KCNK5: variants seen among roughly 807,000 people sequenced by gnomAD.
KCNK5 encodes potassium channel subfamily K member 5.
In KCNK5, 18 loss-of-function variants were observed where a neutral mutation model predicts 32.9. The ratio of observed to expected loss-of-function variants is 0.55; its 90% CI spans 0.38 to 0.81. The LOEUF (loss-of-function observed/expected upper bound fraction) is 0.81, where lower values mean the gene tolerates loss of function less well. Among genes scored for constraint, KCNK5 ranks in the 30% least tolerant of loss-of-function variants. The pLI, the probability that KCNK5 is intolerant of heterozygous loss-of-function variation, is 0.00. For synonymous variants in KCNK5, 276 were observed against 275.3 expected, an observed-to-expected ratio of 1.00 and a Z score of -0.03; for missense variants, 507 against 651.0, an observed-to-expected ratio of 0.78 and a Z score of 2.41.
intron 1 of KCNK5, among the ~76,000 whole-genome samples, chr6:39,223,224 TAAGC>T (rs1000996808): frequency 5.3e-5 from 8 of 152,208 alleles, no homozygotes; most frequent in Non-Finnish European, 8.8e-5. Flanking sequence ...TACACTATTC[TAAGC>T]AAACTATGGT....
intron 1 of KCNK5, among the ~76,000 whole-genome samples, chr6:39,196,378 C>G (rs1771031146): frequency 6.6e-6 from 1 of 152,178 alleles, no homozygotes; most frequent in African/African-American, 2.4e-5. Context: ...AGGGACCACA[C>G]TTTGAGAACC....
At chr6:39,200,656 C>T (rs553726852) in intron 1 of KCNK5, among the ~76,000 whole-genome samples, 3 of 152,272 alleles carry the variant, frequency 2.0e-5, no homozygotes, top group Admixed American at 1.3e-4. Context: ...AAAAACAGTG[C>T]CCTAAAACCA....
At chr6:39,216,533 G>A (rs376947262) in intron 1 of KCNK5, among the ~76,000 whole-genome samples, 32 of 152,266 alleles carry the variant, frequency 2.1e-4, no homozygotes, top group African/African-American at 3.9e-4. Flanking sequence ...TTTAGGATAC[G>A]GCAGCCTCTA....
chr6:39,197,698 T>A (rs1359359693), intron 1 of KCNK5, among the ~76,000 whole-genome samples: 1 of 152,240 alleles, frequency 6.6e-6, no homozygotes, highest in East Asian at 1.9e-4. Flanking sequence ...ACGTTAATGT[T>A]AAACAGATGG....
Position 39,190,890 on chromosome 6 carries a change from T to C in KCNK5, c.1500A>G (p.Ter500TrpextTer10). The C allele has an allele frequency of 6.8e-7, 1 of 1,465,884 alleles. No individual in the cohort carries two copies. The highest frequency in any genetic ancestry group is 9.0e-7 in the Non-Finnish European group (1 of 1,107,490). 90.8% of individuals were successfully genotyped at this position (1,465,884 alleles called of 1,614,324 possible). A position where few individuals can be genotyped will look rare whatever the true frequency, so the allele number is the denominator to read the frequency against. ...GGTGGGGTGGGGAGCCGGCCCTGCC[T>C]CATGTGCCCTTGGGGCTGTTAGCCT... ...YNKANSPKGT[*>W] The change falls in exon 5 of 5, where the codon TGA becomes TGG. Residue 500 changes from the stop codon to tryptophan, a stop_lost. Coordinates refer to ENST00000359534, the MANE Select transcript of KCNK5 (RefSeq NM_003740.4).
Position 39,190,651 on chromosome 6 carries a change from C to A in KCNK5, c.*239G>T. On this transcript the variant is annotated 3_prime_UTR_variant, in exon 5 of 5. Transcript: ENST00000359534. ...GCATGTCTTTGCATTGTGAGATACA[C>A]CAGCCAAGCTCAGGACAGATGCCCC... The A allele has an allele frequency of 2.4e-6, 1 of 417,288 alleles. No homozygotes were observed. The highest frequency in any genetic ancestry group is 4.2e-6 in the Non-Finnish European group (1 of 238,322). 25.8% of individuals were successfully genotyped at this position (417,288 alleles called of 1,614,324 possible).
chr6:39,193,540 A>G (rs972322434), intron 4 of KCNK5, among the ~76,000 whole-genome samples: 1 of 152,258 alleles, frequency 6.6e-6, no homozygotes, highest in African/African-American at 2.4e-5. Context: ...CACAAACACA[A>G]GTACATGTGT....
At chr6:39,212,380 A>G (rs913793269) in intron 1 of KCNK5, among the ~76,000 whole-genome samples, 1 of 152,246 alleles carries the variant, frequency 6.6e-6, no homozygotes, top group Non-Finnish European at 1.5e-5. Flanking sequence ...TGACTACCAT[A>G]CTAGTACCAA....
chr6:39,194,036 T>C lies in KCNK5; in HGVS notation c.634+133A>G. 1 of 910,006 alleles carries C rather than the reference T, an allele frequency of 1.1e-6. No individual in the cohort carries two copies. The highest frequency in any genetic ancestry group is 1.7e-6 in the Non-Finnish European group (1 of 576,828). The allele number at this position is 910,006 out of a possible 1,614,324, so 56.4% of individuals were successfully genotyped here. A position where few individuals can be genotyped will look rare whatever the true frequency, so the allele number is the denominator to read the frequency against. On this transcript the variant is annotated intron_variant, in intron 4 of 4. Transcript: ENST00000359534. This position sits in a 1 kb window ranked among gnomAD's most constrained non-coding sequence, Gnocchi z 4.7. ...TAGTTTCCTCTTGCAAATGGCAGAG[T>C]GGGTTGAGAATCCCACTGGGTAAGA...
chr6:39,195,824 C>G lies in KCNK5; in HGVS notation c.298+52G>C, dbSNP rs113866436. Reference sequence around the variant, plus strand: ...CCAGAGCTGGGTTTCTAGAAAGGTTCTGAGGAGCTAGGGCATGGATGTGGG... The same window carrying G: ...CCAGAGCTGGGTTTCTAGAAAGGTTGTGAGGAGCTAGGGCATGGATGTGGG... On this transcript the variant is annotated intron_variant, in intron 2 of 4. Transcript: ENST00000359534. The G allele has an allele frequency of 2.1e-5, 29 of 1,377,360 alleles. 1 individual carries two copies. The African/African-American group carries it at 2.6e-4, about 12-fold the overall frequency. 85.3% of individuals were successfully genotyped at this position (1,377,360 alleles called of 1,614,324 possible). A position where few individuals can be genotyped will look rare whatever the true frequency, so the allele number is the denominator to read the frequency against.
chr6:39,206,556 C>T (rs1771229376), intron 1 of KCNK5, among the ~76,000 whole-genome samples: 1 of 152,208 alleles, frequency 6.6e-6, no homozygotes, highest in African/African-American at 2.4e-5. Flanking sequence ...GTTCCCGGGC[C>T]GCCCAGCTGC....
In KCNK5 at chr6:39,197,484, C is replaced by T. The variant is rs376823637; in HGVS notation, c.187-1497G>A. Among the ~76,000 whole-genome samples, 6 of 152,336 alleles carry T rather than the reference C, an allele frequency of 3.9e-5. No individual in the cohort carries two copies. In the East Asian group the frequency reaches 5.8e-4, roughly 15 times the overall value. ...CATCAAAGTGGAAAGTGGGGACCAT[C>T]GCATCAAACTCTGGCCAAGGCAGCC... On this transcript the variant is annotated intron_variant, in intron 1 of 4. Transcript: ENST00000359534.
At chr6:39,216,846 C>T (rs1000959845) in intron 1 of KCNK5, among the ~76,000 whole-genome samples, 3 of 151,980 alleles carry the variant, frequency 2.0e-5, no homozygotes, top group South Asian at 2.1e-4. Flanking sequence ...CTGCCGGGCG[C>T]GGTGGTGGCT....
chr6:39,229,304 G>C lies in KCNK5; in HGVS notation c.-193C>G, dbSNP rs1190306207. 1.5e-6 allele frequency: 1 copy of C among 673,088 alleles called. No homozygotes were observed. Among genetic ancestry groups the C allele is most frequent in the African/African-American group, 1.8e-5 (1 of 55,102 alleles). 41.7% of individuals were successfully genotyped at this position (673,088 alleles called of 1,614,324 possible). On this transcript the variant is annotated 5_prime_UTR_variant, in exon 1 of 5. Coordinates refer to ENST00000359534, the MANE Select transcript of KCNK5 (RefSeq NM_003740.4). Reference sequence around the variant, plus strand: ...CAAGTTGGCCCACGGAGTGCGGGGAGCTGCGTGGGGCCCCACTCACGCGGC... The same window carrying C: ...CAAGTTGGCCCACGGAGTGCGGGGACCTGCGTGGGGCCCCACTCACGCGGC...
chr6:39,193,524 G>A (rs1454051186), intron 4 of KCNK5, among the ~76,000 whole-genome samples: 1 of 152,254 alleles, frequency 6.6e-6, no homozygotes, highest in Non-Finnish European at 1.5e-5. Context: ...AAGATGCTGT[G>A]CAGGCCACAA....
rs1250492067 is a variant in KCNK5, at chr6:39,190,841, G to A, written c.*49C>T. The stretch of plus-strand genomic sequence containing the variant: ...CCCGGTCATCTCGGGACACCCTAGG[G>A]TGAGGGGGGAAGAGGCCATCAAAGG... On this transcript the variant is annotated 3_prime_UTR_variant, in exon 5 of 5. Coordinates refer to ENST00000359534, the MANE Select transcript of KCNK5 (RefSeq NM_003740.4). The A allele has an allele frequency of 3.0e-5, 43 of 1,443,452 alleles. No homozygotes were observed. The East Asian group carries it at 8.8e-4, about 29-fold the overall frequency. The allele number at this position is 1,443,452 out of a possible 1,614,324, so 89.4% of individuals were successfully genotyped here. A position where few individuals can be genotyped will look rare whatever the true frequency, so the allele number is the denominator to read the frequency against.
chr6:39,195,907 C>A lies in KCNK5; in HGVS notation c.267G>T (p.Met89Ile), dbSNP rs1193380857. Residue 89 changes from methionine (M) to isoleucine (I), a missense_variant, in exon 2 of 5, where the codon ATG becomes ATT. Met to Ile is a conservative substitution (Grantham distance 10). Around this residue, in one of 6 missense-constraint regions of KCNK5, gnomAD observed 143 missense variants for 219.1 expected, o/e 0.65. Coordinates refer to ENST00000359534, the MANE Select transcript of KCNK5 (RefSeq NM_003740.4). ...TFNNWNWPNAMIFAATVITTI... is the reference protein window; with the variant it reads ...TFNNWNWPNAIIFAATVITTI... ...TGGTAATGACGGTCGCTGCAAAAAT[C>A]ATTGCATTGGGCCAGTTCCAGTTGT... 3 of 1,613,778 alleles carry A rather than the reference C, an allele frequency of 1.9e-6. No homozygotes were observed. In the African/African-American group the frequency reaches 4.0e-5, roughly 22 times the overall value.
At chr6:39,225,943 CT>C (rs1485441676) in intron 1 of KCNK5, among the ~76,000 whole-genome samples, 2 of 152,204 alleles carry the variant, frequency 1.3e-5, no homozygotes, top group Non-Finnish European at 2.9e-5. Context: ...GTAAAGCTGC[CT>C]TCCTCAATAA....
At position 39,194,380 on chromosome 6, in the gene KCNK5, T is replaced by A. The variant is rs1413094389; in HGVS notation, c.466-43A>T. On this transcript the variant is annotated intron_variant, in intron 3 of 4. Transcript: ENST00000359534. The surrounding 1 kb of genome is among the most constrained non-coding windows in gnomAD (Gnocchi z 4.7). ...GCCAAGTCAGAGAATAGTGGAGACTTGGAAACCCAGCAAAGGCACCCAGAG... is the reference window on the plus strand; with the variant it reads ...GCCAAGTCAGAGAATAGTGGAGACTAGGAAACCCAGCAAAGGCACCCAGAG... 1.9e-6 allele frequency: 3 copies of A among 1,558,882 alleles called. No individual in the cohort carries two copies. The highest frequency in any genetic ancestry group is 2.7e-5 in the African/African-American group (2 of 73,336).
Sources: allele counts gnomAD v4.1 joint callset (sites outside exome capture counted in the v4.1 genomes callset), GRCh38; gene constraint gnomAD v4.1.1; regional missense constraint gnomAD v4.1.1; non-coding constraint Gnocchi (gnomAD v3.1); transcripts MANE v1.5; gene names NCBI Gene and HGNC (gene_info 2026-07-23, HGNC 2026-07-21).